Variants in CAPSL observed in about 807,000 individuals in gnomAD.
CAPSL encodes calcyphosine like.
A neutral mutation model predicts 21.3 loss-of-function variants in CAPSL; 17 were observed. That is an observed-to-expected ratio of 0.80 (90% CI 0.55 to 1.20). The LOEUF (loss-of-function observed/expected upper bound fraction) is 1.20. Among genes scored for constraint, CAPSL ranks in the 50% most tolerant of loss-of-function variants. The probability of loss-of-function intolerance (pLI) is 0.00; values close to 1 mark genes in which losing one functional copy is unlikely to be tolerated. For missense variants in CAPSL, 289 were observed against 259.3 expected (o/e 1.11, Z -0.79); for synonymous variants, 102 against 89.3 (o/e 1.14, Z -0.80).
At chr5:35,931,096 C>T (rs1247074840) in intron 1 of CAPSL, among the ~76,000 whole-genome samples, 1 of 152,206 alleles carries the variant, frequency 6.6e-6, no homozygotes, top group Non-Finnish European at 1.5e-5. Context: ...AACATAATCT[C>T]TTTGTATTAT....
intron 1 of CAPSL, among the ~76,000 whole-genome samples, chr5:35,933,233 G>T (rs1279888307): frequency 6.6e-6 from 1 of 152,104 alleles, no homozygotes; most frequent in African/African-American, 2.4e-5. Flanking sequence ...CTGCTAAAAG[G>T]GTGGCCTGTG....
intron 3 of CAPSL, 134 bp from the exon 4 acceptor site, chr5:35,910,209 C>T (rs1738178862): frequency 9.4e-7 from 1 of 1,068,060 alleles, no homozygotes; most frequent in Non-Finnish European, 1.3e-6. Flanking sequence ...ATAGACACTA[C>T]AATTGCTCCA....
At chr5:35,928,044 A>G (rs1400445374) in intron 1 of CAPSL, among the ~76,000 whole-genome samples, 1 of 152,210 alleles carries the variant, frequency 6.6e-6, no homozygotes, top group Non-Finnish European at 1.5e-5. Flanking sequence ...TCAAGGTATC[A>G]GCTGATTTGG....
chr5:35,906,702 C>A (rs1351033092), intron 4 of CAPSL, among the ~76,000 whole-genome samples: 5 of 152,104 alleles, frequency 3.3e-5, no homozygotes, highest in Non-Finnish European at 7.4e-5. Context: ...GAAAGCAAAC[C>A]CTAACTGAAA....
chr5:35,935,440 C>A (rs1738920467), intron 1 of CAPSL, among the ~76,000 whole-genome samples: 1 of 151,920 alleles, frequency 6.6e-6, no homozygotes, highest in African/African-American at 2.4e-5. Flanking sequence ...ACAAGTGATC[C>A]TCCCACCGAA....
rs776979043 is a variant in CAPSL, at chr5:35,921,079, C to T, written c.42G>A (p.Gln14=). 1 of 1,614,092 alleles carries T rather than the reference C, an allele frequency of 6.2e-7. No individual in the cohort carries two copies. The highest frequency in any genetic ancestry group is 1.7e-5 in the Admixed American group (1 of 60,034). The change falls in exon 2 of 5, where the codon CAG becomes CAA. Residue 14 remains glutamine, a synonymous_variant. Transcript: ENST00000651391. Reference sequence around the variant, plus strand: ...TGGCCGTGGTGAGCTTTTTCTTGGCCTGGATCGCCATCTCTCGGTCATGGC... The same window carrying T: ...TGGCCGTGGTGAGCTTTTTCTTGGCTTGGATCGCCATCTCTCGGTCATGGC... The part of the protein sequence containing the change: ...TARHDREMAI[Q]AKKKLTTATD...
At chr5:35,928,911 C>T (rs1030714947) in intron 1 of CAPSL, among the ~76,000 whole-genome samples, 2 of 152,186 alleles carry the variant, frequency 1.3e-5, no homozygotes, top group Non-Finnish European at 2.9e-5. Flanking sequence ...ATTAGACTCT[C>T]TTGGTGTAGA....
intron 1 of CAPSL, among the ~76,000 whole-genome samples, chr5:35,932,042 T>C (rs1738838567): frequency 2.6e-5 from 4 of 152,238 alleles, no homozygotes. Flanking sequence ...ATGCTTCTTT[T>C]GGAGTCATTT....
chr5:35,926,753 T>C (rs191509130), intron 1 of CAPSL, among the ~76,000 whole-genome samples: 57 of 152,314 alleles, frequency 3.7e-4, no homozygotes, highest in African/African-American at 1.1e-3. Context: ...GAGGCAACCC[T>C]AGAGATCGTT....
At position 35,920,609 on chromosome 5, in the gene CAPSL, A is replaced by T. The variant is rs115227916; in HGVS notation, c.137+375T>A. On this transcript the variant is annotated intron_variant, in intron 2 of 4. Transcript: ENST00000651391. ...CGAGAGCAAAATTCCAAATTCTGCA[A>T]TTAGGGCTAACTGGCTGTTCCTTCC... 2.0e-3 allele frequency among the ~76,000 whole-genome samples: 312 copies of T among 152,328 alleles called. 2 individuals carry two copies. The highest frequency in any genetic ancestry group is 7.3e-3 in the African/African-American group (302 of 41,574).
rs760433308 is a variant in CAPSL, at chr5:35,910,425, T to A, written c.256A>T (p.Arg86Trp). 1 of 1,613,876 alleles carries A rather than the reference T, an allele frequency of 6.2e-7. No individual in the cohort carries two copies. Among genetic ancestry groups the A allele is most frequent in the Admixed American group, 1.7e-5 (1 of 60,004 alleles). Residue 86 changes from arginine (R) to tryptophan (W), a missense_variant, in exon 3 of 5, where the codon AGG becomes TGG. Arg to Trp is a moderately radical substitution (Grantham distance 101). Transcript: ENST00000651391. ...GTTCCATTTCCATCTTTATCAAACC[T>A]CCGGAAAAGTTCTTCCACCTCTTCT... Reference protein sequence around the residue: ...EKEEVEELFRRFDKDGNGTID... With the variant: ...EKEEVEELFRWFDKDGNGTID...
chr5:35,933,122 G>T (rs1738860969), intron 1 of CAPSL, among the ~76,000 whole-genome samples: 1 of 151,952 alleles, frequency 6.6e-6, no homozygotes, highest in Non-Finnish European at 1.5e-5. Context: ...CTACTCTCTG[G>T]CCTTATATAG....
At chr5:35,930,304 C>T (rs1367980760) in intron 1 of CAPSL, among the ~76,000 whole-genome samples, 1 of 151,972 alleles carries the variant, frequency 6.6e-6, no homozygotes, top group Non-Finnish European at 1.5e-5. Flanking sequence ...AAACCATAGT[C>T]TTTACTTCTT....
At chr5:35,924,415 T>C (rs1738614202) in intron 1 of CAPSL, among the ~76,000 whole-genome samples, 1 of 152,196 alleles carries the variant, frequency 6.6e-6, no homozygotes, top group Admixed American at 6.5e-5. Flanking sequence ...CACAGTTTGA[T>C]GGTGCTTTCT....
chr5:35,913,466 G>A (rs1406854863), intron 2 of CAPSL, among the ~76,000 whole-genome samples: 1 of 152,126 alleles, frequency 6.6e-6, no homozygotes, highest in Non-Finnish European at 1.5e-5. Flanking sequence ...AGAAAGGTCA[G>A]GTTACCCACA....
At chr5:35,918,552 G>T (rs1004753434) in intron 2 of CAPSL, among the ~76,000 whole-genome samples, 1 of 152,138 alleles carries the variant, frequency 6.6e-6, no homozygotes, top group Non-Finnish European at 1.5e-5. Context: ...CATGGCACAT[G>T]TATACCTATG....
intron 1 of CAPSL, among the ~76,000 whole-genome samples, chr5:35,927,398 A>G (rs1738713380): frequency 6.6e-6 from 1 of 152,218 alleles, no homozygotes; most frequent in Non-Finnish European, 1.5e-5. Flanking sequence ...ATAGCAAGGA[A>G]CCTGGGGTTG....
chr5:35,938,644 C>G (rs1040155608), upstream of CAPSL: 2 of 153,114 alleles, frequency 1.3e-5, no homozygotes, highest in African/African-American at 4.8e-5. Flanking sequence ...TTAGCCTCCT[C>G]CCTCTTACCT....
At chr5:35,907,817 C>A (rs1398799292) in intron 4 of CAPSL, among the ~76,000 whole-genome samples, 3 of 152,186 alleles carry the variant, frequency 2.0e-5, no homozygotes, top group African/African-American at 7.2e-5. Flanking sequence ...TCACCACAAG[C>A]AATCTTAATA....
Sources: gnomAD v4.1 joint callset for allele counts (sites outside exome capture counted in the v4.1 genomes callset) on GRCh38, gnomAD v4.1.1 for gene constraint, MANE v1.5 for transcripts, NCBI Gene and HGNC (gene_info 2026-07-23, HGNC 2026-07-21) for gene names.